DNAI4: variants seen among roughly 807,000 people sequenced by gnomAD.
DNAI4 encodes WD repeat domain 78.
In DNAI4, 85 loss-of-function variants were observed where a neutral mutation model predicts 105.8. That is an observed-to-expected ratio of 0.80 (90% confidence interval 0.67 to 0.96). DNAI4 has a LOEUF of 0.96. Ranked by LOEUF, DNAI4 falls within the 40% of genes least tolerant of loss-of-function variation. The probability of loss-of-function intolerance (pLI) is 0.00; values close to 1 mark genes in which losing one functional copy is unlikely to be tolerated. For synonymous variants in DNAI4, 352 were observed against 331.5 expected, an observed-to-expected ratio of 1.06 and a Z score of -0.67; for missense variants, 1,014 against 1,005.6, an observed-to-expected ratio of 1.01 and a Z score of -0.11.
At chr1:66,832,392 T>C (rs1645884772) in intron 13 of DNAI4, among the ~76,000 whole-genome samples, 1 of 152,100 alleles carries the variant, frequency 6.6e-6, no homozygotes, top group African/African-American at 2.4e-5. Context: ...AAAGAGATGA[T>C]CATATTACAT....
At chr1:66,819,463 A>G (rs144524334) in intron 16 of DNAI4, among the ~76,000 whole-genome samples, 61 of 151,998 alleles carry the variant, frequency 4.0e-4, no homozygotes, top group African/African-American at 1.3e-3. Flanking sequence ...TTGAATATCT[A>G]TTGTCCCTTT....
At chr1:66,872,745 T>C (rs778985322) in intron 5 of DNAI4, among the ~76,000 whole-genome samples, 4 of 152,070 alleles carry the variant, frequency 2.6e-5, no homozygotes, top group Admixed American at 6.6e-5. Flanking sequence ...ATAATAATAA[T>C]AAGAGATGTG....
chr1:66,891,090 C>A, intron 4 of DNAI4, 64 bp downstream of exon 4: 1 of 1,223,484 alleles, frequency 8.2e-7, no homozygotes, highest in Middle Eastern at 1.9e-4. Context: ...AGTATCCAAC[C>A]AATAATAAGC....
intron 4 of DNAI4, among the ~76,000 whole-genome samples, chr1:66,881,380 A>T (rs1647067509): frequency 6.6e-6 from 1 of 152,226 alleles, no homozygotes; most frequent in Non-Finnish European, 1.5e-5. Context: ...GAGGGAGGCT[A>T]TACCCTGAAA....
chr1:66,814,211 C>A, intron 16 of DNAI4, 31 bp from the exon 17 acceptor site: 4 of 1,527,548 alleles, frequency 2.6e-6, no homozygotes, highest in East Asian at 2.3e-5. Flanking sequence ...AATTACAATG[C>A]AATAAAATGC....
chr1:66,849,060 A>G (rs1486223105), intron 7 of DNAI4, among the ~76,000 whole-genome samples: 1 of 152,182 alleles, frequency 6.6e-6, no homozygotes, highest in African/African-American at 2.4e-5. Context: ...CTACAGTGTC[A>G]GTGGAGACCA....
chr1:66,816,247 A>G (rs1212656601), intron 16 of DNAI4, among the ~76,000 whole-genome samples: 2 of 152,186 alleles, frequency 1.3e-5, no homozygotes, highest in African/African-American at 2.4e-5. Context: ...CTGATAAAAG[A>G]TAGTTTCCTT....
At chr1:66,852,506 A>G (rs1646417466) in intron 7 of DNAI4, among the ~76,000 whole-genome samples, 1 of 152,152 alleles carries the variant, frequency 6.6e-6, no homozygotes. Flanking sequence ...ATATATAAAA[A>G]GAATTATTAT....
chr1:66,893,063 G>GAA (rs60123348), intron 3 of DNAI4, among the ~76,000 whole-genome samples, 166 bp downstream of exon 3: 1,385 of 89,486 alleles, frequency 0.015, 30 homozygotes, highest in Middle Eastern at 0.021. Flanking sequence ...AAGAGAGAGA[G>GAA]AGAAAGAAAG....
intron 11 of DNAI4, among the ~76,000 whole-genome samples, chr1:66,835,012 C>A (rs1198354740): frequency 1.3e-5 from 2 of 152,088 alleles, no homozygotes; most frequent in Non-Finnish European, 2.9e-5. Flanking sequence ...AAAAACCTAG[C>A]CTTTTTAATA....
chr1:66,836,324 G>GA (rs1471668626), intron 10 of DNAI4, among the ~76,000 whole-genome samples: 1 of 149,302 alleles, frequency 6.7e-6, no homozygotes, highest in Non-Finnish European at 1.5e-5. Flanking sequence ...AAGAAAGAAA[G>GA]AAGGAAAGAG....
At position 66,852,410 on chromosome 1, in the gene DNAI4, T is replaced by C. The variant is rs191483978; in HGVS notation, c.1097-4732A>G. ...ACTATTATAATAAAGTGAAACAAAGTGCAAAAAAGAAAGCTACAAATCAAT... is the reference window on the plus strand; with the variant it reads ...ACTATTATAATAAAGTGAAACAAAGCGCAAAAAAGAAAGCTACAAATCAAT... On this transcript the variant is annotated intron_variant, in intron 7 of 16. Coordinates refer to ENST00000371026, the MANE Select transcript of DNAI4 (RefSeq NM_024763.5). 1.6e-3 allele frequency among the ~76,000 whole-genome samples: 237 copies of C among 151,860 alleles called. 3 individuals carry two copies. Among genetic ancestry groups the C allele is most frequent in the African/African-American group, 5.6e-3 (231 of 41,486 alleles).
chr1:66,826,262 A>G (rs1437910065), intron 15 of DNAI4, among the ~76,000 whole-genome samples: 1 of 150,388 alleles, frequency 6.6e-6, no homozygotes, highest in Non-Finnish European at 1.5e-5. Flanking sequence ...ATATCGTCCT[A>G]TAAAAGTTTG....
At chr1:66,860,878 T>G (rs1646611767) in intron 7 of DNAI4, 1 of 152,192 alleles carries the variant, frequency 6.6e-6, no homozygotes, top group Non-Finnish European at 1.5e-5. Flanking sequence ...AAACAATGTT[T>G]CTTTAGTGAT....
intron 7 of DNAI4, among the ~76,000 whole-genome samples, chr1:66,853,625 C>T (rs555485388): frequency 2.6e-5 from 4 of 152,310 alleles, no homozygotes; most frequent in African/African-American, 7.2e-5. Flanking sequence ...CTTCTAGCCT[C>T]TAAACCATGA....
At chr1:66,844,737 TG>T (rs1209618318) in intron 8 of DNAI4, among the ~76,000 whole-genome samples, 3 of 152,060 alleles carry the variant, frequency 2.0e-5, no homozygotes, top group African/African-American at 7.2e-5. Context: ...AGAAAAAAAT[TG>T]GCAGATTAGA....
intron 3 of DNAI4, among the ~76,000 whole-genome samples, 200 bp from the exon 4 acceptor site, chr1:66,891,466 T>A (rs1014568909): frequency 3.0e-4 from 46 of 152,200 alleles, no homozygotes; most frequent in Admixed American, 3.0e-3. Context: ...TATTTGTATC[T>A]TTATTTATTT....
chr1:66,873,111 T>C (rs1646883108), intron 5 of DNAI4, among the ~76,000 whole-genome samples: 1 of 152,076 alleles, frequency 6.6e-6, no homozygotes, highest in Admixed American at 6.6e-5. Context: ...TATAATTATC[T>C]ATAGTCTTCA....
chr1:66,875,065 C>T (rs1178516835), intron 4 of DNAI4, 128 bp from the exon 5 acceptor site: 1 of 909,478 alleles, frequency 1.1e-6, no homozygotes, highest in African/African-American at 1.7e-5. Flanking sequence ...AGGAACAGGC[C>T]AGGTTGTGAG....
Sources: allele counts gnomAD v4.1 joint callset (sites outside exome capture counted in the v4.1 genomes callset), GRCh38; gene constraint gnomAD v4.1.1; transcripts MANE v1.5; gene names NCBI Gene and HGNC (gene_info 2026-07-23, HGNC 2026-07-21).